FCER1G: variants seen among roughly 807,000 people sequenced by gnomAD.
The protein encoded by FCER1G is Fc epsilon receptor Ig.
Under a neutral mutation model 17.3 loss-of-function variants are expected in FCER1G, and 7 were observed. The ratio of observed to expected loss-of-function variants is 0.40; its 90% CI spans 0.23 to 0.76. The LOEUF (loss-of-function observed/expected upper bound fraction) is 0.76. Ranked by LOEUF, FCER1G falls within the 30% of genes least tolerant of loss-of-function variation. The pLI is 0.35. For synonymous variants in FCER1G, 35 were observed against 38.7 expected, an observed-to-expected ratio of 0.90 and a Z score of 0.35; for missense variants, 87 against 97.7, an observed-to-expected ratio of 0.89 and a Z score of 0.46.
chr1:161,215,480 G>T, intron 1 of FCER1G, 110 bp downstream of exon 1: 1 of 952,402 alleles, frequency 1.0e-6, no homozygotes, highest in Non-Finnish European at 1.7e-6. Context: ...CAGTGGGTAG[G>T]TGGGCATAGG....
intron 1 of FCER1G, among the ~76,000 whole-genome samples, chr1:161,216,208 A>G (rs893169885): frequency 2.6e-5 from 4 of 151,800 alleles, no homozygotes; most frequent in Non-Finnish European, 5.9e-5. Context: ...GCTACTCAGA[A>G]GGCTGAGGCA....
chr1:161,217,900 C>T, intron 1 of FCER1G, 86 bp from the exon 2 acceptor site: 1 of 912,426 alleles, frequency 1.1e-6, no homozygotes, highest in South Asian at 1.3e-5. Flanking sequence ...CCCTGTCCTA[C>T]CTCCCAGAGC....
Position 161,218,888 on chromosome 1 carries a change from G to A in FCER1G, c.206G>A (p.Ser69Asn). 3 of 1,613,928 alleles carry A rather than the reference G, an allele frequency of 1.9e-6. No individual in the cohort carries two copies. Among genetic ancestry groups the A allele is most frequent in the African/African-American group, 1.3e-5 (1 of 75,010 alleles). ...TTTGACTCCCATCTCCAGGGCCTGA[G>A]CACCAGGAACCAGGAGACTTACGAG... ...EKSDGVYTGL[S>N]TRNQETYETL... Residue 69 changes from serine to asparagine, a missense_variant, in exon 5 of 5, where the codon AGC becomes AAC. Transcript: ENST00000289902.
intron 1 of FCER1G, 34 bp downstream of exon 1, chr1:161,215,404 G>A: frequency 6.3e-7 from 1 of 1,599,968 alleles, no homozygotes; most frequent in Non-Finnish European, 8.6e-7. Context: ...GCGTGAGCTG[G>A]CTCCAGGGTG....
chr1:161,215,888 A>G (rs1215684891), intron 1 of FCER1G, among the ~76,000 whole-genome samples: 1 of 151,772 alleles, frequency 6.6e-6, no homozygotes, highest in African/African-American at 2.4e-5. Flanking sequence ...CACTGCACCC[A>G]GCTATTATTA....
chr1:161,215,367 G>C lies in FCER1G; in HGVS notation c.46G>C (p.Ala16Pro). The change falls in exon 1 of 5, where the codon GCA (alanine) becomes CCA (proline). Residue 16 changes from alanine to proline, a missense_variant. Coordinates refer to ENST00000289902, the MANE Select transcript of FCER1G (RefSeq NM_004106.2). ...VLLLLLLVEQAAALGEPQLCY... is the reference protein window; with the variant it reads ...VLLLLLLVEQPAALGEPQLCY... ...GCTCTTACTCCTTTTGGTTGAACAA[G>C]CAGGTAAGAGGGTTTGGTGAGGGAT... The C allele has an allele frequency of 6.2e-7, 1 of 1,613,500 alleles. No individual in the cohort carries two copies. Among genetic ancestry groups the C allele is most frequent in the Non-Finnish European group, 8.5e-7 (1 of 1,179,584 alleles).
chr1:161,216,762 T>G (rs1018518864), intron 1 of FCER1G, among the ~76,000 whole-genome samples: 3 of 151,982 alleles, frequency 2.0e-5, no homozygotes, highest in African/African-American at 7.2e-5. Flanking sequence ...CAGCTGGGTG[T>G]TGGGGAGGAG....
At chr1:161,216,423 T>G (rs201720453) in intron 1 of FCER1G, among the ~76,000 whole-genome samples, 7,851 of 141,044 alleles carry the variant, frequency 0.056, 414 homozygotes, top group East Asian at 0.22. Context: ...TATATATATA[T>G]ATATAGAGAG....
chr1:161,215,973 C>T (rs530930711), intron 1 of FCER1G, among the ~76,000 whole-genome samples: 1 of 152,218 alleles, frequency 6.6e-6, no homozygotes, highest in South Asian at 2.1e-4. Context: ...AATTCTCCCA[C>T]CTCGGCCTCC....
intron 1 of FCER1G, among the ~76,000 whole-genome samples, chr1:161,217,546 C>G (rs1188466016): frequency 6.6e-6 from 1 of 152,128 alleles, no homozygotes; most frequent in Non-Finnish European, 1.5e-5. Context: ...GGTCACAGGA[C>G]TTAGTAGAGA....
intron 1 of FCER1G, among the ~76,000 whole-genome samples, chr1:161,215,741 C>G (rs913169720): frequency 1.3e-5 from 2 of 151,948 alleles, no homozygotes; most frequent in African/African-American, 4.8e-5. Context: ...TACAGGTGCC[C>G]GCCACCACGC....
intron 1 of FCER1G, among the ~76,000 whole-genome samples, chr1:161,217,118 C>T (rs1666068115): frequency 3.3e-5 from 5 of 151,872 alleles, no homozygotes; most frequent in Non-Finnish European, 7.4e-5. Context: ...AAGAGTGTTG[C>T]AGAATAAAAA....
intron 1 of FCER1G, among the ~76,000 whole-genome samples, chr1:161,216,361 TACACACACACACACATACACACAC>T (rs1666047207): frequency 7.3e-6 from 1 of 137,496 alleles, no homozygotes; most frequent in Non-Finnish European, 1.6e-5. Flanking sequence ...TCTATCTATA[TACACACACACACACATACACACAC>T]ACACACACAC....
intron 3 of FCER1G, 88 bp from the exon 4 acceptor site, chr1:161,218,615 C>A (rs544886416): frequency 1.4e-6 from 2 of 1,425,912 alleles, no homozygotes; most frequent in South Asian, 2.3e-5. Flanking sequence ...TGGCTGCCCA[C>A]CCCCCATGCC....
At chr1:161,216,739 T>C (rs1224399313) in intron 1 of FCER1G, among the ~76,000 whole-genome samples, 2 of 152,112 alleles carry the variant, frequency 1.3e-5, no homozygotes, top group Non-Finnish European at 2.9e-5. Context: ...GATTGGTGTG[T>C]GTGTGTTGGT....
intron 1 of FCER1G, among the ~76,000 whole-genome samples, chr1:161,216,381 C>T (rs1385495768): frequency 1.2e-4 from 13 of 111,660 alleles, no homozygotes; most frequent in East Asian, 3.4e-4. Context: ...CACACATACA[C>T]ACACACACAC....
rs146703111 is a variant in FCER1G, at chr1:161,218,200, C to T, written c.142-41C>T. 513 of 1,593,358 alleles carry T rather than the reference C, an allele frequency of 3.2e-4. 3 individuals are homozygous for T. In the African/African-American group the frequency reaches 6.0e-3, roughly 19 times the overall value. On this transcript the variant is annotated intron_variant, in intron 2 of 4. Coordinates refer to ENST00000289902, the MANE Select transcript of FCER1G (RefSeq NM_004106.2). ...AAGTTTGGAGGGAAGGGGGATGGGC[C>T]ATTAACTTACCCTTTACTGATAACC...
chr1:161,218,521 G>A (rs992770133), intron 3 of FCER1G, among the ~76,000 whole-genome samples, 182 bp from the exon 4 acceptor site: 8 of 152,182 alleles, frequency 5.3e-5, no homozygotes, highest in African/African-American at 1.9e-4. Context: ...TATGTCGGGT[G>A]TATATGTGTG....
chr1:161,216,704 C>T (rs891342377), intron 1 of FCER1G, among the ~76,000 whole-genome samples: 6 of 152,202 alleles, frequency 3.9e-5, no homozygotes, highest in African/African-American at 1.4e-4. Context: ...TCTCACTCCT[C>T]GTTCACTCTG....
Sources: gnomAD v4.1 joint callset for allele counts (sites outside exome capture counted in the v4.1 genomes callset) on GRCh38, gnomAD v4.1.1 for gene constraint, MANE v1.5 for transcripts, NCBI Gene and HGNC (gene_info 2026-07-23, HGNC 2026-07-21) for gene names.